DGKI: variants seen among roughly 807,000 people sequenced by gnomAD.
DGKI encodes the protein DAG kinase iota.
In DGKI, 55 loss-of-function variants were observed where a neutral mutation model predicts 147.5. The ratio of observed to expected loss-of-function variants is 0.37; its 90% CI spans 0.30 to 0.47. The LOEUF (loss-of-function observed/expected upper bound fraction) is 0.47, where lower values mean the gene tolerates loss of function less well. Among genes scored for constraint, DGKI ranks in the 20% least tolerant of loss-of-function variants. The pLI is 1.00. For missense variants in DGKI, 1,007 were observed against 1,323.8 expected (o/e 0.76, Z 3.71); for synonymous variants, 469 against 477.1 (o/e 0.98, Z 0.22).
intron 1 of DGKI, among the ~76,000 whole-genome samples, chr7:137,743,647 A>T (rs574798844): frequency 6.6e-6 from 1 of 152,306 alleles, no homozygotes; most frequent in East Asian, 1.9e-4. Flanking sequence ...GTCCTAAATT[A>T]ACAATCTAAA....
chr7:137,642,638 C>A (rs1363422735), intron 6 of DGKI, among the ~76,000 whole-genome samples: 1 of 152,136 alleles, frequency 6.6e-6, no homozygotes, highest in Non-Finnish European at 1.5e-5. Flanking sequence ...CTGAGGCATT[C>A]GGCTAACGTT....
intron 1 of DGKI, among the ~76,000 whole-genome samples, chr7:137,757,746 G>A (rs941449630): frequency 6.6e-6 from 1 of 152,146 alleles, no homozygotes; most frequent in African/African-American, 2.4e-5. Context: ...AAATCTCAAT[G>A]CCAAGCCGGT....
chr7:137,398,799 C>G (rs1269278111), intron 30 of DGKI, among the ~76,000 whole-genome samples: 1 of 151,766 alleles, frequency 6.6e-6, no homozygotes, highest in Non-Finnish European at 1.5e-5. Flanking sequence ...TCCTATTTGA[C>G]AAATAGACTT....
At chr7:137,733,172 AC>A (rs1049632026) in intron 1 of DGKI, among the ~76,000 whole-genome samples, 117 of 152,018 alleles carry the variant, frequency 7.7e-4, no homozygotes, top group African/African-American at 2.8e-3. Context: ...GGAACCATCT[AC>A]CACCAACCAT....
At chr7:137,783,670 A>G (rs1796585990) in intron 1 of DGKI, among the ~76,000 whole-genome samples, 1 of 152,226 alleles carries the variant, frequency 6.6e-6, no homozygotes, top group Admixed American at 6.5e-5. Context: ...CTAGGCACAT[A>G]GTTGTCAGGT....
At chr7:137,711,684 CTTTTTTTTTTTT>C (rs71177918) in intron 1 of DGKI, among the ~76,000 whole-genome samples, 8 of 79,726 alleles carry the variant, frequency 1.0e-4, no homozygotes, top group African/African-American at 2.1e-4. Flanking sequence ...GGGATACCAA[CTTTTTTTTTTTT>C]TTTTTTTTTT....
intron 10 of DGKI, 43 bp downstream of exon 10, chr7:137,608,923 A>G (rs1342320585): frequency 2.7e-6 from 4 of 1,483,438 alleles, no homozygotes; most frequent in Non-Finnish European, 3.8e-6. Flanking sequence ...TCGTCAAGAA[A>G]TTATCAAAAC....
At chr7:137,459,626 C>T (rs1207926985) in intron 27 of DGKI, among the ~76,000 whole-genome samples, 2 of 151,794 alleles carry the variant, frequency 1.3e-5, no homozygotes, top group African/African-American at 2.4e-5. Context: ...GGGCGCCCGC[C>T]ACCACGCCCG....
chr7:137,723,699 CTTTTTTTTTTTTTTT>C (rs769605042), intron 1 of DGKI, among the ~76,000 whole-genome samples: 1 of 104,436 alleles, frequency 9.6e-6, no homozygotes, highest in African/African-American at 4.6e-5. Context: ...CATGATATCC[CTTTTTTTTTTTTTTT>C]TTTTTTTTTT....
At chr7:137,787,187 C>A (rs1198240786) in intron 1 of DGKI, among the ~76,000 whole-genome samples, 1 of 152,040 alleles carries the variant, frequency 6.6e-6, no homozygotes, top group African/African-American at 2.4e-5. Flanking sequence ...AACAGACAAC[C>A]CACAGAGTGG....
At chr7:137,600,574 C>G (rs1819953975) in intron 10 of DGKI, among the ~76,000 whole-genome samples, 1 of 152,098 alleles carries the variant, frequency 6.6e-6, no homozygotes, top group South Asian at 2.1e-4. Flanking sequence ...ATTTTACTAT[C>G]ATTAATGTAT....
intron 17 of DGKI, among the ~76,000 whole-genome samples, chr7:137,575,994 T>C (rs1818957018): frequency 6.6e-6 from 1 of 152,046 alleles, no homozygotes; most frequent in Non-Finnish European, 1.5e-5. Context: ...TATTTTCATG[T>C]ATATATTTTG....
At chr7:137,804,527 T>A (rs1476602587) in intron 1 of DGKI, among the ~76,000 whole-genome samples, 2 of 152,190 alleles carry the variant, frequency 1.3e-5, no homozygotes, top group African/African-American at 4.8e-5. Flanking sequence ...AAATTATCTG[T>A]AAGAACAAAG....
intron 22 of DGKI, 137 bp downstream of exon 22, chr7:137,487,473 G>A (rs139101542): frequency 4.7e-5 from 36 of 766,318 alleles, no homozygotes; most frequent in Middle Eastern, 2.6e-4. Context: ...GACATACAGC[G>A]TATGCTTGAA....
rs1821111138 is a variant in DGKI at position 137,631,190 on chromosome 7, C to T, written c.805-7636G>A. On this transcript the variant is annotated intron_variant, in intron 6 of 32. Coordinates refer to ENST00000614521, the MANE Select transcript of DGKI (RefSeq NM_001321708.2). ...AATGCTCTTCTGCTGGTAGAATTAT[C>T]TACACTTCCTTTTTGTGTAAACATA... Among the ~76,000 whole-genome samples, 8 of 152,136 alleles carry T rather than the reference C, an allele frequency of 5.3e-5. No individual in the cohort carries two copies. In the South Asian group the frequency reaches 6.2e-4, roughly 12 times the overall value.
chr7:137,419,113 T>C (rs1433312243), intron 28 of DGKI, among the ~76,000 whole-genome samples: 1 of 152,182 alleles, frequency 6.6e-6, no homozygotes, highest in Non-Finnish European at 1.5e-5. Context: ...TCTGAGTTTC[T>C]TCCACTATAT....
chr7:137,834,059 T>C (rs1304114480), intron 1 of DGKI, among the ~76,000 whole-genome samples: 2 of 152,240 alleles, frequency 1.3e-5, no homozygotes, highest in Non-Finnish European at 2.9e-5. Flanking sequence ...CTATGGATAG[T>C]AAAAGCATCT....
At chr7:137,834,454 C>T (rs1798306151) in intron 1 of DGKI, among the ~76,000 whole-genome samples, 1 of 152,192 alleles carries the variant, frequency 6.6e-6, no homozygotes, top group South Asian at 2.1e-4. Flanking sequence ...ATGGGAATAA[C>T]CATTCACCAT....
At chr7:137,618,151 A>ATATATATTTTTTTTTT in intron 8 of DGKI, among the ~76,000 whole-genome samples, 15 of 10,458 alleles carry the variant, frequency 1.4e-3, no homozygotes, top group African/African-American at 1.9e-3. Context: ...ATATATATAT[A>ATATATATTTTTTTTTT]TTTTTTTTTT....
Sources: gnomAD v4.1 joint callset for allele counts (sites outside exome capture counted in the v4.1 genomes callset) on GRCh38, gnomAD v4.1.1 for gene constraint, MANE v1.5 for transcripts, NCBI Gene and HGNC (gene_info 2026-07-23, HGNC 2026-07-21) for gene names.